Variants in AK9 observed in about 807,000 individuals in gnomAD.
AK9 encodes the protein adenylate kinase 9.
In AK9, 191 loss-of-function variants were observed where a neutral mutation model predicts 239.6. The observed-to-expected ratio is 0.80, with a 90% CI of 0.71 to 0.90. AK9 has a LOEUF of 0.90. Ranked by LOEUF, AK9 falls within the 40% of genes least tolerant of loss-of-function variation. The pLI is 0.00. For missense variants in AK9, 1,995 were observed against 2,214.7 expected (o/e 0.90, Z 1.99); for synonymous variants, 689 against 721.0 (o/e 0.96, Z 0.71).
chr6:109,523,203 A>T (rs887421048), intron 29 of AK9, among the ~76,000 whole-genome samples: 1 of 151,964 alleles, frequency 6.6e-6, no homozygotes, highest in African/African-American at 2.4e-5. Flanking sequence ...TTTTAAAAAA[A>T]TCCTAAAAAT....
chr6:109,673,160 C>T (rs1205351082), intron 3 of AK9, among the ~76,000 whole-genome samples: 1 of 151,972 alleles, frequency 6.6e-6, no homozygotes, highest in African/African-American at 2.4e-5. Context: ...TTTAAGATTT[C>T]CTAGAAGTAA....
At chr6:109,520,643 G>C (rs1241071114) in intron 29 of AK9, among the ~76,000 whole-genome samples, 1 of 152,142 alleles carries the variant, frequency 6.6e-6, no homozygotes, top group Non-Finnish European at 1.5e-5. Flanking sequence ...AAAAATCTGT[G>C]AAGGATGTTA....
chr6:109,680,697 G>A (rs751843307), intron 1 of AK9, among the ~76,000 whole-genome samples: 1 of 152,166 alleles, frequency 6.6e-6, no homozygotes, highest in African/African-American at 2.4e-5. Flanking sequence ...GTTAAGGGTA[G>A]CCAGAGAAAA....
intron 5 of AK9, among the ~76,000 whole-genome samples, chr6:109,667,457 G>A (rs1447659976): frequency 3.3e-5 from 5 of 151,832 alleles, no homozygotes; most frequent in Non-Finnish European, 7.4e-5. Flanking sequence ...CAATGTGCAG[G>A]TTTGTTACGT....
chr6:109,570,935 G>A (rs1343733250), intron 21 of AK9, among the ~76,000 whole-genome samples: 5 of 152,078 alleles, frequency 3.3e-5, no homozygotes, highest in Non-Finnish European at 5.9e-5. Context: ...GGAAAAGAAC[G>A]AAAAGAACAG....
intron 8 of AK9, among the ~76,000 whole-genome samples, chr6:109,649,886 G>T (rs990144476): frequency 6.6e-6 from 1 of 152,074 alleles, no homozygotes; most frequent in Non-Finnish European, 1.5e-5. Flanking sequence ...CCAAAACAGA[G>T]ATATAGACCA....
chr6:109,629,977 C>A (rs9487176), intron 12 of AK9, among the ~76,000 whole-genome samples: 88,509 of 151,852 alleles, frequency 0.58, 27,469 homozygotes, highest in South Asian at 0.84. Flanking sequence ...TGATGCTTTA[C>A]AGGAAAACAT....
chr6:109,626,903 A>G (rs1310936654), intron 12 of AK9, among the ~76,000 whole-genome samples: 1 of 152,200 alleles, frequency 6.6e-6, no homozygotes, highest in Non-Finnish European at 1.5e-5. Flanking sequence ...TAGACTTTAT[A>G]AACAATGTAC....
intron 24 of AK9, among the ~76,000 whole-genome samples, chr6:109,559,072 G>C (rs1277295500): frequency 6.6e-6 from 1 of 151,598 alleles, no homozygotes; most frequent in Non-Finnish European, 1.5e-5. Flanking sequence ...AAGCTGCCTC[G>C]AACTCCTGAC....
chr6:109,666,246 G>A (rs1801178844), intron 5 of AK9, among the ~76,000 whole-genome samples: 1 of 152,184 alleles, frequency 6.6e-6, no homozygotes, highest in Non-Finnish European at 1.5e-5. Flanking sequence ...CATTGCAGAT[G>A]TAAAGTGGAA....
In AK9 at chr6:109,499,207, G is replaced by A; in HGVS notation, c.4883C>T (p.Thr1628Ile). 1 of 1,584,810 alleles carries A rather than the reference G, an allele frequency of 6.3e-7. No individual in the cohort carries two copies. The highest frequency in any genetic ancestry group is 8.6e-7 in the Non-Finnish European group (1 of 1,164,064). The change falls in exon 36 of 41, where the codon ACA becomes ATA. Residue 1628 changes from threonine to isoleucine, a missense_variant. By Grantham distance (89) the Thr-to-Ile change is moderately conservative. Coordinates refer to ENST00000424296, the MANE Select transcript of AK9 (RefSeq NM_001145128.3). ...CAGGCGAGAAAGCAGCTCTTGAGGT[G>A]TGATACATAACTTGTCAATGCAGGC... is the stretch of plus-strand genomic sequence containing the variant. ...KAACIDKLCI[T>I]PQELLSRLGE...
In AK9 at chr6:109,515,961, T is replaced by C. The variant is rs1434358157; in HGVS notation, c.3961A>G (p.Ser1321Gly). The C allele has an allele frequency of 1.3e-6, 2 of 1,551,670 alleles. No homozygotes were observed. Among genetic ancestry groups the C allele is most frequent in the South Asian group, 1.2e-5 (1 of 84,056 alleles). Residue 1321 changes from serine (S) to glycine (G), a missense_variant, in exon 31 of 41, where the codon AGC becomes GGC. Physicochemically the swap from Ser to Gly is moderately conservative, Grantham distance 56. Around this residue, in one of 5 missense-constraint regions of AK9, gnomAD observed 1,290 missense variants for 1,392.7 expected, o/e 0.93. Transcript: ENST00000424296. ...ATTGGATGACATTTCTCAAAAATGCTTGCACGATTTTCCACCAGTGGTTTC... is the reference window on the plus strand; with the variant it reads ...ATTGGATGACATTTCTCAAAAATGCCTGCACGATTTTCCACCAGTGGTTTC... ...KLKPLVENRA[S>G]IFEKCHPIPA... is the part of the protein sequence containing the mutation.
chr6:109,598,121 C>T lies in AK9; in HGVS notation c.1843-12049G>A, dbSNP rs1449922415. On this transcript the variant is annotated intron_variant, in intron 17 of 40. Transcript: ENST00000424296. ...TAAGTTCTAGGGTACATGTGCACAA[C>T]CTGCAGGTTTGTTACATATGTACAC... 2.0e-5 allele frequency among the ~76,000 whole-genome samples: 3 copies of T among 151,938 alleles called. No homozygotes were observed. The East Asian group carries it at 5.8e-4, about 29-fold the overall frequency.
At chr6:109,517,292 A>G (rs1450484697) in intron 29 of AK9, among the ~76,000 whole-genome samples, 1 of 152,174 alleles carries the variant, frequency 6.6e-6, no homozygotes, top group Non-Finnish European at 1.5e-5. Context: ...CCAACCTGCC[A>G]TCTTGGAAAA....
At chr6:109,605,360 G>T (rs1792700945) in intron 17 of AK9, among the ~76,000 whole-genome samples, 1 of 152,116 alleles carries the variant, frequency 6.6e-6, no homozygotes, top group South Asian at 2.1e-4. Context: ...AAACTCATTT[G>T]TCATGTTAAT....
chr6:109,541,843 T>G (rs1782931128), intron 27 of AK9, among the ~76,000 whole-genome samples: 1 of 152,220 alleles, frequency 6.6e-6, no homozygotes, highest in South Asian at 2.1e-4. Flanking sequence ...AGTTTCAAAT[T>G]CAATTATTTT....
intron 9 of AK9, among the ~76,000 whole-genome samples, chr6:109,643,991 C>T (rs1333626854): frequency 6.6e-6 from 1 of 152,200 alleles, no homozygotes; most frequent in Non-Finnish European, 1.5e-5. Flanking sequence ...TAATACCATG[C>T]ATGTGTATCC....
At position 109,621,136 on chromosome 6, in the gene AK9, A is replaced by T. The variant is rs540575072; in HGVS notation, c.1255-1900T>A. Among the ~76,000 whole-genome samples the T allele has an allele frequency of 2.9e-3, 405 of 141,684 alleles. 1 individual carries two copies. The highest frequency in any genetic ancestry group is 0.01 in the African/African-American group (397 of 37,834). The allele number at this position is 141,684 out of a possible 152,430, so 93.0% of individuals were successfully genotyped here. ...CATTTATGCAGCCAAAAAACACATGAAAAAATGCTCATCATCACTGGCCAT... is the reference window on the plus strand; with the variant it reads ...CATTTATGCAGCCAAAAAACACATGTAAAAATGCTCATCATCACTGGCCAT... On this transcript the variant is annotated intron_variant, in intron 12 of 40. Transcript: ENST00000424296.
At chr6:109,543,602 C>G (rs990030825) in intron 26 of AK9, among the ~76,000 whole-genome samples, 2 of 151,992 alleles carry the variant, frequency 1.3e-5, no homozygotes, top group Non-Finnish European at 2.9e-5. Context: ...CATGTGTCAC[C>G]ACGCCTGGCT....
Sources: allele counts gnomAD v4.1 joint callset (sites outside exome capture counted in the v4.1 genomes callset), GRCh38; gene constraint gnomAD v4.1.1; regional missense constraint gnomAD v4.1.1; transcripts MANE v1.5; gene names NCBI Gene and HGNC (gene_info 2026-07-23, HGNC 2026-07-21).